ARB2A: variants seen among roughly 807,000 people sequenced by gnomAD.
ARB2A encodes the protein cotranscriptional regulator ARB2A.
the ARB2A span, chr5:93,617,935 T>G: frequency 3.9e-5 from 6 of 152,182 alleles, no homozygotes; most frequent in African/African-American, 1.4e-4. Flanking sequence ...CTAACAGAAA[T>G]AAAAAGTAGC....
At chr5:93,927,252 T>C in the ARB2A span, among the ~76,000 whole-genome samples, 3 of 152,162 alleles carry the variant, frequency 2.0e-5, no homozygotes, top group African/African-American at 7.2e-5. Flanking sequence ...GAAAAAGAAC[T>C]AGGAAAGGGC....
At chr5:93,892,258 AC>A in the ARB2A span, among the ~76,000 whole-genome samples, 4 of 152,212 alleles carry the variant, frequency 2.6e-5, no homozygotes, top group Admixed American at 2.6e-4. Context: ...GTGCAATTAT[AC>A]ACAGGGAACT....
chr5:94,079,497 G>C, the ARB2A span, among the ~76,000 whole-genome samples: 4 of 152,110 alleles, frequency 2.6e-5, no homozygotes, highest in South Asian at 8.3e-4. Context: ...TTCTAACTCA[G>C]GTCTTCTGAC....
At chr5:94,090,920 AATTT>A in the ARB2A span, among the ~76,000 whole-genome samples, 1 of 152,170 alleles carries the variant, frequency 6.6e-6, no homozygotes. Flanking sequence ...ATTCAGCAAC[AATTT>A]ATTTTCCATG....
the ARB2A span, among the ~76,000 whole-genome samples, chr5:94,021,015 C>T: frequency 6.6e-6 from 1 of 152,082 alleles, no homozygotes; most frequent in African/African-American, 2.4e-5. Context: ...ATGTTCTGTA[C>T]ATGTATCCCA....
At chr5:93,924,086 T>C in the ARB2A span, among the ~76,000 whole-genome samples, 3 of 152,102 alleles carry the variant, frequency 2.0e-5, no homozygotes, top group African/African-American at 7.2e-5. Flanking sequence ...CAAAACTAGA[T>C]AGAACACTAT....
chr5:93,973,260 AGG>A, the ARB2A span, among the ~76,000 whole-genome samples: 1 of 151,904 alleles, frequency 6.6e-6, no homozygotes. Flanking sequence ...GTGCCCAGCC[AGG>A]AATTTCAAAC....
At chr5:93,865,579 A>C in the ARB2A span, 1 of 985,406 alleles carries the variant, frequency 1.0e-6, no homozygotes, top group Non-Finnish European at 1.2e-6. Context: ...TTAAAAGCAA[A>C]AAGCATACGG....
chr5:93,734,793 C>T, the ARB2A span: 1 of 151,820 alleles, frequency 6.6e-6, no homozygotes, highest in Non-Finnish European at 1.5e-5. Flanking sequence ...AATGATATGG[C>T]TTAGTAGATT....
At chr5:94,078,152 G>A in the ARB2A span, among the ~76,000 whole-genome samples, 127 of 152,206 alleles carry the variant, frequency 8.3e-4, 2 homozygotes, top group East Asian at 0.014. Flanking sequence ...AGATATACGT[G>A]ATTTTGCAAC....
chr5:93,881,725 C>A, the ARB2A span: 32 of 1,352,320 alleles, frequency 2.4e-5, no homozygotes, highest in East Asian at 6.8e-4. Flanking sequence ...TAATTTAAAT[C>A]TTATAATCCA....
At chr5:93,975,837 ACCAATT>A in the ARB2A span, among the ~76,000 whole-genome samples, 1 of 152,176 alleles carries the variant, frequency 6.6e-6, no homozygotes, top group Non-Finnish European at 1.5e-5. Flanking sequence ...GCTGAATTCT[ACCAATT>A]CTACTAGATA....
the ARB2A span, among the ~76,000 whole-genome samples, chr5:94,041,169 T>C: frequency 1.3e-5 from 2 of 151,770 alleles, no homozygotes; most frequent in Non-Finnish European, 2.9e-5. Flanking sequence ...CTGTAAAGTT[T>C]TGATTAATGG....
chr5:93,996,731 C>T, the ARB2A span, among the ~76,000 whole-genome samples: 2 of 151,926 alleles, frequency 1.3e-5, no homozygotes. Flanking sequence ...TGAAAATGTT[C>T]CTCATTTACC....
At chr5:93,802,759 G>A in the ARB2A span, among the ~76,000 whole-genome samples, 2 of 152,002 alleles carry the variant, frequency 1.3e-5, no homozygotes, top group African/African-American at 4.8e-5. Flanking sequence ...AGGTATTTTG[G>A]CCATTTACAA....
the ARB2A span, among the ~76,000 whole-genome samples, chr5:93,838,057 G>T: frequency 6.6e-6 from 1 of 152,108 alleles, no homozygotes; most frequent in Non-Finnish European, 1.5e-5. Context: ...TGCTTTTGGT[G>T]TCTTTGTCTT....
the ARB2A span, among the ~76,000 whole-genome samples, chr5:93,860,021 G>A: frequency 3.9e-5 from 6 of 152,144 alleles, no homozygotes; most frequent in Admixed American, 3.3e-4. Context: ...TAGGCCAGGC[G>A]CAGTGGCTCA....
At chr5:94,100,592 A>G in the ARB2A span, among the ~76,000 whole-genome samples, 3 of 152,206 alleles carry the variant, frequency 2.0e-5, no homozygotes, top group African/African-American at 7.2e-5. Flanking sequence ...AAACCAGCAT[A>G]TAGACCAATA....
chr5:93,980,795 T>A, the ARB2A span, among the ~76,000 whole-genome samples: 1 of 152,168 alleles, frequency 6.6e-6, no homozygotes, highest in African/African-American at 2.4e-5. Context: ...ATTTAAAATC[T>A]ATTCTTTTAA....
Sources: allele counts gnomAD v4.1 joint callset (sites outside exome capture counted in the v4.1 genomes callset), GRCh38; gene constraint gnomAD v4.1.1; transcripts MANE v1.5; gene names NCBI Gene and HGNC (gene_info 2026-07-23, HGNC 2026-07-21).